FAM227B: variants seen among roughly 807,000 people sequenced by gnomAD.
The protein encoded by FAM227B is protein FAM227B.
A neutral mutation model predicts 73.8 loss-of-function variants in FAM227B; 88 were observed. That is an observed-to-expected ratio of 1.19 (90% CI 1.00 to 1.42). The LOEUF is 1.42. Among genes scored for constraint, FAM227B ranks in the 40% most tolerant of loss-of-function variants. The probability of loss-of-function intolerance (pLI) is 0.00; values close to 1 mark genes in which losing one functional copy is unlikely to be tolerated. For missense variants in FAM227B, 632 were observed against 590.9 expected (o/e 1.07, Z -0.72); for synonymous variants, 210 against 190.5 (o/e 1.10, Z -0.84).
intron 11 of FAM227B, among the ~76,000 whole-genome samples, chr15:49,470,998 C>T (rs1378158692): frequency 6.6e-6 from 1 of 152,116 alleles, no homozygotes; most frequent in Non-Finnish European, 1.5e-5. Context: ...GAGATGGTTA[C>T]CAATTCATGT....
chr15:49,532,103 A>C (rs904287217), intron 10 of FAM227B, among the ~76,000 whole-genome samples: 1 of 150,198 alleles, frequency 6.7e-6, no homozygotes, highest in Admixed American at 6.7e-5. Context: ...GGGATTATCT[A>C]TATATAATAG....
At chr15:49,478,168 T>C (rs2055538727) in intron 11 of FAM227B, among the ~76,000 whole-genome samples, 1 of 152,182 alleles carries the variant, frequency 6.6e-6, no homozygotes, top group South Asian at 2.1e-4. Flanking sequence ...AAACATGCAG[T>C]ATTTAGTTTT....
chr15:49,551,489 C>T (rs2073014306), intron 9 of FAM227B, among the ~76,000 whole-genome samples: 1 of 152,034 alleles, frequency 6.6e-6, no homozygotes, highest in African/African-American at 2.4e-5. Context: ...CTATGTGTAT[C>T]TTTATAGGTG....
intron 10 of FAM227B, among the ~76,000 whole-genome samples, chr15:49,512,730 T>C (rs1371446464): frequency 6.6e-6 from 1 of 152,058 alleles, no homozygotes; most frequent in Non-Finnish European, 1.5e-5. Context: ...TTTGTCCTGA[T>C]ACTCTGCCTT....
intron 11 of FAM227B, among the ~76,000 whole-genome samples, chr15:49,378,941 T>A (rs559882591): frequency 6.6e-6 from 1 of 152,190 alleles, no homozygotes; most frequent in Non-Finnish European, 1.5e-5. Flanking sequence ...CTGTTGTATA[T>A]GGCTTTTATT....
intron 9 of FAM227B, among the ~76,000 whole-genome samples, chr15:49,549,482 C>T (rs975063044): frequency 1.1e-4 from 17 of 152,058 alleles, no homozygotes; most frequent in Admixed American, 6.6e-4. Context: ...CCTGGCCTTC[C>T]ACAGTGTTTG....
At position 49,453,101 on chromosome 15, in the gene FAM227B, A is replaced by C. The variant is rs554444263; in HGVS notation, c.1012+55110T>G. Among the ~76,000 whole-genome samples, 4 of 152,216 alleles carry C rather than the reference A, an allele frequency of 2.6e-5. 1 individual carries two copies. The South Asian group carries it at 8.3e-4, about 32-fold the overall frequency. On this transcript the variant is annotated intron_variant, in intron 11 of 15. Transcript: ENST00000299338. ...AATAATCTTAGGTAATCATCCTAAA[A>C]TATTGCATTGAGGTCAACAAAAAGT...
At chr15:49,447,306 C>G (rs1316615872) in intron 11 of FAM227B, among the ~76,000 whole-genome samples, 1 of 151,598 alleles carries the variant, frequency 6.6e-6, no homozygotes, top group Non-Finnish European at 1.5e-5. Context: ...GCAAAATACT[C>G]TCTTATCACT....
At chr15:49,472,189 T>C (rs186000541) in intron 11 of FAM227B, among the ~76,000 whole-genome samples, 2 of 152,278 alleles carry the variant, frequency 1.3e-5, no homozygotes, top group Admixed American at 1.3e-4. Flanking sequence ...TTGGGGTGCA[T>C]TAGTTAAGAT....
At chr15:49,517,445 G>A (rs1241895942) in intron 10 of FAM227B, among the ~76,000 whole-genome samples, 1 of 152,048 alleles carries the variant, frequency 6.6e-6, no homozygotes, top group African/African-American at 2.4e-5. Flanking sequence ...AAGTGCTTTT[G>A]CCAGTGCAAA....
chr15:49,452,214 G>C (rs1567302536), intron 11 of FAM227B, among the ~76,000 whole-genome samples: 1 of 151,872 alleles, frequency 6.6e-6, no homozygotes, highest in Non-Finnish European at 1.5e-5. Context: ...GCTAATTTTT[G>C]TATTTTTAGT....
chr15:49,465,232 C>T (rs920540504), intron 11 of FAM227B, among the ~76,000 whole-genome samples: 3 of 151,952 alleles, frequency 2.0e-5, no homozygotes, highest in African/African-American at 2.4e-5. Context: ...TAGGTTAAAG[C>T]GATTCTCCTG....
At chr15:49,550,082 GGAC>G (rs2072650853) in intron 9 of FAM227B, among the ~76,000 whole-genome samples, 1 of 110,500 alleles carries the variant, frequency 9.0e-6, no homozygotes, top group Admixed American at 9.2e-5. Flanking sequence ...CCTCCCTCCT[GGAC>G]GGGGGCGGCT....
At chr15:49,581,816 A>G (rs1598368693) in intron 5 of FAM227B, among the ~76,000 whole-genome samples, 1 of 152,364 alleles carries the variant, frequency 6.6e-6, no homozygotes, top group East Asian at 1.9e-4. Context: ...TAGCCACCAG[A>G]GAAACATATT....
chr15:49,570,871 A>T (rs1346742167), intron 8 of FAM227B, among the ~76,000 whole-genome samples: 1 of 147,460 alleles, frequency 6.8e-6, no homozygotes, highest in Non-Finnish European at 1.5e-5. Flanking sequence ...TAAATATTAC[A>T]TATGCATTTA....
At chr15:49,551,757 C>T (rs1453605055) in intron 9 of FAM227B, among the ~76,000 whole-genome samples, 1 of 152,044 alleles carries the variant, frequency 6.6e-6, no homozygotes, top group Admixed American at 6.6e-5. Flanking sequence ...TGTGTATCTA[C>T]TGTATGTTTT....
At chr15:49,532,101 C>T (rs992951173) in intron 10 of FAM227B, among the ~76,000 whole-genome samples, 6 of 149,754 alleles carry the variant, frequency 4.0e-5, no homozygotes, top group African/African-American at 1.5e-4. Context: ...AAGGGATTAT[C>T]TATATATAAT....
chr15:49,611,193 T>C, intron 3 of FAM227B, 22 bp downstream of exon 3: 1 of 1,458,852 alleles, frequency 6.9e-7, no homozygotes. Flanking sequence ...TAATGGCACA[T>C]AAAATAAGAT....
intron 11 of FAM227B, among the ~76,000 whole-genome samples, chr15:49,469,478 C>A (rs2054546413): frequency 6.6e-6 from 1 of 152,052 alleles, no homozygotes; most frequent in Admixed American, 6.5e-5. Flanking sequence ...AATCACTTGG[C>A]TTTTCATGGC....
Sources: gnomAD v4.1 joint callset for allele counts (sites outside exome capture counted in the v4.1 genomes callset) on GRCh38, gnomAD v4.1.1 for gene constraint, MANE v1.5 for transcripts, NCBI Gene and HGNC (gene_info 2026-07-23, HGNC 2026-07-21) for gene names.